KIN: variants seen among roughly 807,000 people sequenced by gnomAD.
The protein encoded by KIN is Kin17 DNA and RNA binding protein.
A neutral mutation model predicts 63.0 loss-of-function variants in KIN; 47 were observed. The ratio of observed to expected loss-of-function variants is 0.75; its 90% CI spans 0.59 to 0.95. KIN has a LOEUF of 0.95. Among genes scored for constraint, KIN ranks in the 40% least tolerant of loss-of-function variants. KIN has a pLI of 0.00. For missense variants in KIN, 408 were observed against 460.9 expected, an observed-to-expected ratio of 0.89 and a Z score of 1.05; for synonymous variants, 160 against 157.7, an observed-to-expected ratio of 1.01 and a Z score of -0.11.
intron 5 of KIN, among the ~76,000 whole-genome samples, chr10:7,778,368 CA>C (rs886249809): frequency 1.3e-5 from 2 of 152,118 alleles, no homozygotes; most frequent in Non-Finnish European, 2.9e-5. Flanking sequence ...TTGTCAATGC[CA>C]AAAATGTGCT....
chr10:7,762,548 A>T lies in KIN; in HGVS notation c.927T>A (p.Ile309=). Residue 309 remains isoleucine (I), a synonymous_variant, in exon 11 of 13, where the codon ATT becomes ATA. Transcript: ENST00000379562. The part of the protein sequence containing the change: ...HKKKAIVKEV[I]DKYTAVVKMI... ...TCTTCACAACAGCTGTATATTTGTC[A>T]ATTACTTCCTGTCATGTAAAATGAA... The T allele has an allele frequency of 6.3e-7, 1 of 1,596,634 alleles. No individual in the cohort carries two copies. The highest frequency in any genetic ancestry group is 8.6e-7 in the Non-Finnish European group (1 of 1,166,244).
Position 7,780,261 on chromosome 10 carries a change from T to G in KIN, c.253+3A>C, listed in dbSNP as rs574985009. 65 of 1,609,372 alleles carry G rather than the reference T, an allele frequency of 4.0e-5. No individual in the cohort carries two copies. Among genetic ancestry groups the G allele is most frequent in the Non-Finnish European group, 5.2e-5 (61 of 1,178,754 alleles). ...TTATTTGCACAATATTTAAAATGTTTACCAAAGCGTCTCCTGAGAAGTTCT... is the reference window on the plus strand; with the variant it reads ...TTATTTGCACAATATTTAAAATGTTGACCAAAGCGTCTCCTGAGAAGTTCT... On this transcript the variant is annotated splice_donor_region_variant and intron_variant, in intron 3 of 12. Transcript: ENST00000379562.
intron 7 of KIN, among the ~76,000 whole-genome samples, chr10:7,772,501 G>A (rs1835686802): frequency 6.6e-6 from 1 of 152,100 alleles, no homozygotes; most frequent in African/African-American, 2.4e-5. Context: ...AGCAATAAGG[G>A]GGCTCATTTT....
chr10:7,776,868 A>C (rs1835787875), intron 5 of KIN, among the ~76,000 whole-genome samples: 1 of 151,392 alleles, frequency 6.6e-6, no homozygotes, highest in Non-Finnish European at 1.5e-5. Flanking sequence ...CAGCTTGGAC[A>C]ACATTGCAAG....
rs776907207 is a variant in KIN at position 7,769,212 on chromosome 10, G to A, written c.798+4C>T. 1 of 1,608,642 alleles carries A rather than the reference G, an allele frequency of 6.2e-7. No individual in the cohort carries two copies. The highest frequency in any genetic ancestry group is 8.5e-7 in the Non-Finnish European group (1 of 1,178,362). Reference sequence around the variant, plus strand: ...GGTGTCCACACGCAATCCATAAACTGTACCTCCATGATTTCATCCAGTGCA... The same window carrying A: ...GGTGTCCACACGCAATCCATAAACTATACCTCCATGATTTCATCCAGTGCA... On this transcript the variant is annotated splice_donor_region_variant and intron_variant, in intron 8 of 12. Transcript: ENST00000379562.
intron 11 of KIN, among the ~76,000 whole-genome samples, chr10:7,762,168 A>T (rs1458452059): frequency 6.6e-6 from 1 of 152,016 alleles, no homozygotes; most frequent in East Asian, 1.9e-4. Flanking sequence ...ACCTATAACC[A>T]TAAGCCTAAT....
intron 1 of KIN, 50 bp from the exon 2 acceptor site, chr10:7,783,225 G>T: frequency 3.0e-6 from 3 of 1,001,878 alleles, no homozygotes; most frequent in Non-Finnish European, 4.4e-6. Flanking sequence ...ATCAAAATGG[G>T]CTCTAAATAG....
At chr10:7,766,709 A>G (rs1281417019) in intron 8 of KIN, among the ~76,000 whole-genome samples, 1 of 152,166 alleles carries the variant, frequency 6.6e-6, no homozygotes, top group Non-Finnish European at 1.5e-5. Flanking sequence ...AAACAATGTA[A>G]TAATCCCTTG....
At chr10:7,758,319 C>T (rs1835372603) in intron 12 of KIN, among the ~76,000 whole-genome samples, 1 of 152,148 alleles carries the variant, frequency 6.6e-6, no homozygotes, top group Admixed American at 6.5e-5. Flanking sequence ...ATTCGTCCGC[C>T]TCAGCCTCCC....
At position 7,787,910 on chromosome 10, in the gene KIN, A is replaced by G. The variant is rs148041572; in HGVS notation, c.24T>C (p.Thr8=). 7 of 1,613,832 alleles carry G rather than the reference A, an allele frequency of 4.3e-6. No homozygotes were observed. Among genetic ancestry groups the G allele is most frequent in the Non-Finnish European group, 5.1e-6 (6 of 1,179,802 alleles). The change falls in exon 1 of 13, where the codon ACT becomes ACC. Residue 8 remains threonine, a synonymous_variant. Transcript: ENST00000379562. MGKSDFL[T]PKAIANRIKS... is the part of the protein sequence containing the mutation. Reference sequence around the variant, plus strand: ...TGATCCTGTTGGCGATAGCCTTGGGAGTAAGAAAATCCGACTTCCCCATGG... The same window carrying G: ...TGATCCTGTTGGCGATAGCCTTGGGGGTAAGAAAATCCGACTTCCCCATGG...
chr10:7,756,928 G>A (rs1835342935), intron 12 of KIN, among the ~76,000 whole-genome samples: 1 of 152,080 alleles, frequency 6.6e-6, no homozygotes, highest in South Asian at 2.1e-4. Flanking sequence ...TCACAAAAGC[G>A]GATATAACCT....
chr10:7,758,660 C>T (rs538138617), intron 12 of KIN, among the ~76,000 whole-genome samples: 1 of 133,792 alleles, frequency 7.5e-6, no homozygotes, highest in Non-Finnish European at 1.6e-5. Context: ...AGGTAAGTTT[C>T]ATGCATGGTC....
chr10:7,785,826 A>T (rs1476420102), intron 1 of KIN, among the ~76,000 whole-genome samples: 1 of 146,690 alleles, frequency 6.8e-6, no homozygotes, highest in Non-Finnish European at 1.5e-5. Context: ...AAAAAAAAAA[A>T]AGAAAAAGGG....
chr10:7,769,277 T>C lies in KIN; in HGVS notation c.737A>G (p.Gln246Arg), dbSNP rs569891825. Residue 246 changes from glutamine to arginine, a missense_variant, in exon 8 of 13, where the codon CAG becomes CGG. Around this residue, in one of 2 missense-constraint regions of KIN, gnomAD observed 298 missense variants for 296.0 expected, o/e 1.01. Coordinates refer to ENST00000379562, the MANE Select transcript of KIN (RefSeq NM_012311.4). ...CTTTTCTTTAGACTGAGTTGAGCTC[T>C]GGGAAGATTCTTTTCGTTTCACTGA... is the stretch of plus-strand genomic sequence containing the variant. Reference protein sequence around the residue: ...SASVKRKESSQSSTQSKEKKK... With the variant: ...SASVKRKESSRSSTQSKEKKK... 7 of 1,613,746 alleles carry C rather than the reference T, an allele frequency of 4.3e-6. No individual in the cohort carries two copies. The highest frequency in any genetic ancestry group is 4.0e-5 in the African/African-American group (3 of 75,050).
chr10:7,787,841 G>C lies in KIN; in HGVS notation c.93C>G (p.Cys31Trp), dbSNP rs1430382491. ...TCACCTCGTCCCGGCACTGCTTCTG[G>C]CACATCTGGCAATACCAGCGTAGCT... Reference protein sequence around the residue: ...LQKLRWYCQMCQKQCRDENGF... With the variant: ...LQKLRWYCQMWQKQCRDENGF... Residue 31 changes from cysteine (C) to tryptophan (W), a missense_variant, in exon 1 of 13, where the codon TGC becomes TGG. Transcript: ENST00000379562. 6.2e-7 allele frequency: 1 copy of C among 1,613,706 alleles called. No individual in the cohort carries two copies. The highest frequency in any genetic ancestry group is 1.7e-5 in the Admixed American group (1 of 60,014).
chr10:7,769,334 G>C lies in KIN; in HGVS notation c.680C>G (p.Pro227Arg), dbSNP rs201258955. 1.2e-6 allele frequency: 2 copies of C among 1,613,162 alleles called. No individual in the cohort carries two copies. The highest frequency in any genetic ancestry group is 2.2e-5 in the South Asian group (2 of 90,894). The change falls in exon 8 of 13, where the codon CCG (proline) becomes CGG (arginine). Residue 227 changes from proline to arginine, a missense_variant. Coordinates refer to ENST00000379562, the MANE Select transcript of KIN (RefSeq NM_012311.4). ...ACTTCCTATCGTCTTCAGTGCACTCGGTCCCAGAGTACTGATGAACAGGAG... is the reference window on the plus strand; with the variant it reads ...ACTTCCTATCGTCTTCAGTGCACTCCGTCCCAGAGTACTGATGAACAGGAG... ...ATSSKSSTLG[P>R]SALKTIGSSA...
chr10:7,780,360 T>C, intron 2 of KIN, 53 bp from the exon 3 acceptor site: 4 of 1,440,906 alleles, frequency 2.8e-6, no homozygotes, highest in Non-Finnish European at 3.8e-6. Flanking sequence ...ACATATAGCA[T>C]CATCTTTTTG....
At position 7,753,196 on chromosome 10, in the gene KIN, G is replaced by C. The variant is rs536066876; in HGVS notation, c.*2884C>G. On this transcript the variant is annotated 3_prime_UTR_variant, in exon 13 of 13. Coordinates refer to ENST00000379562, the MANE Select transcript of KIN (RefSeq NM_012311.4). ...CTCAGAGGGAAAAAACTACTGTGAA[G>C]TCTATAATCGTATTTTTATGCTTCA... is the stretch of plus-strand genomic sequence containing the variant. 1 of 152,286 alleles carries C rather than the reference G, an allele frequency of 6.6e-6. No homozygotes were observed. Among genetic ancestry groups the C allele is most frequent in the East Asian group, 1.9e-4 (1 of 5,190 alleles). The allele number at this position is 152,286 out of a possible 1,614,324, so 9.4% of individuals were successfully genotyped here.
chr10:7,782,508 C>A (rs1167432464), intron 2 of KIN, among the ~76,000 whole-genome samples: 2 of 151,836 alleles, frequency 1.3e-5, no homozygotes, highest in Non-Finnish European at 2.9e-5. Flanking sequence ...AAGCAATTCT[C>A]CTGCCTCAGC....
Sources: allele counts gnomAD v4.1 joint callset (sites outside exome capture counted in the v4.1 genomes callset), GRCh38; gene constraint gnomAD v4.1.1; regional missense constraint gnomAD v4.1.1; transcripts MANE v1.5; gene names NCBI Gene and HGNC (gene_info 2026-07-23, HGNC 2026-07-21).